CSMD1: variants seen among roughly 807,000 people sequenced by gnomAD.
The protein encoded by CSMD1 is CUB and Sushi multiple domains 1, also known as CUB and sushi domain-containing protein 1.
A neutral mutation model predicts 417.5 loss-of-function variants in CSMD1; 213 were observed. That is an observed-to-expected ratio of 0.51 (90% CI 0.46 to 0.57). The LOEUF (loss-of-function observed/expected upper bound fraction) is 0.57. Ranked by LOEUF, CSMD1 falls within the 20% of genes least tolerant of loss-of-function variation. The pLI is 0.00. For synonymous variants in CSMD1, 2,862 were observed against 1,736.8 expected (o/e 1.65, Z -16.11); for missense variants, 6,923 against 4,529.7 (o/e 1.53, Z -15.17).
At chr8:4,665,335 T>G (rs533957586) in intron 1 of CSMD1, among the ~76,000 whole-genome samples, 1 of 152,290 alleles carries the variant, frequency 6.6e-6, no homozygotes, top group Admixed American at 6.5e-5. Flanking sequence ...TAAGGTAAAT[T>G]AACTGAAGAC....
chr8:4,390,241 T>G (rs1203737388), intron 3 of CSMD1, among the ~76,000 whole-genome samples: 3 of 152,132 alleles, frequency 2.0e-5, no homozygotes, highest in East Asian at 3.9e-4. Context: ...GCCTTCTTCT[T>G]GGGGAAAAAG....
At chr8:3,804,107 T>C (rs1307069673) in intron 5 of CSMD1, among the ~76,000 whole-genome samples, 1 of 151,758 alleles carries the variant, frequency 6.6e-6, no homozygotes, top group South Asian at 2.1e-4. Flanking sequence ...TTTTGTTATA[T>C]TTTTAGTAGA....
At chr8:3,250,943 A>T (rs1264768320) in intron 26 of CSMD1, among the ~76,000 whole-genome samples, 2 of 151,964 alleles carry the variant, frequency 1.3e-5, no homozygotes, top group African/African-American at 2.4e-5. Context: ...GTTTGAGTTC[A>T]TTGTAGATTC....
intron 12 of CSMD1, among the ~76,000 whole-genome samples, chr8:3,425,507 G>T (rs1158206261): frequency 6.8e-6 from 1 of 147,960 alleles, no homozygotes; most frequent in African/African-American, 2.5e-5. Flanking sequence ...AGAACCGCTT[G>T]AACCCAGGAG....
chr8:4,122,240 G>T (rs528743735), intron 3 of CSMD1, among the ~76,000 whole-genome samples: 5 of 152,124 alleles, frequency 3.3e-5, no homozygotes, highest in African/African-American at 1.2e-4. Context: ...GGGAAGTGCA[G>T]TTGGTTTGAC....
intron 7 of CSMD1, among the ~76,000 whole-genome samples, chr8:3,673,361 A>T (rs1799184133): frequency 1.3e-5 from 2 of 152,218 alleles, no homozygotes. Flanking sequence ...CAATTTCATG[A>T]TTCAGTATTG....
Position 3,018,510 on chromosome 8 carries a change from C to G in CSMD1, c.7996G>C (p.Gly2666Arg). ...GSHVRECLAN[G>R]LWSGSETRCL... ...CGAGTTTCGCTGCCGCTCCAGAGCC[C>G]ATTTGCCAAGCACTCTCTGACATGA... Residue 2666 changes from glycine to arginine, a missense_variant, in exon 52 of 70, where the codon GGG (glycine) becomes CGG (arginine). Coordinates refer to ENST00000635120, the MANE Select transcript of CSMD1 (RefSeq NM_033225.6). The G allele has an allele frequency of 6.2e-7, 1 of 1,613,618 alleles. No homozygotes were observed. Among genetic ancestry groups the G allele is most frequent in the Non-Finnish European group, 8.5e-7 (1 of 1,179,732 alleles).
chr8:4,371,391 C>T (rs567926329), intron 3 of CSMD1, among the ~76,000 whole-genome samples: 2 of 152,090 alleles, frequency 1.3e-5, no homozygotes, highest in South Asian at 2.1e-4. Context: ...TTGTATTAAA[C>T]ATATTTTTAT....
chr8:3,457,036 C>G (rs1368924292), intron 12 of CSMD1, among the ~76,000 whole-genome samples: 2 of 151,948 alleles, frequency 1.3e-5, no homozygotes, highest in African/African-American at 4.8e-5. Flanking sequence ...ACCCCTTCAC[C>G]TGTACCCCTC....
chr8:3,197,471 T>TC (rs1796762870), intron 33 of CSMD1, among the ~76,000 whole-genome samples: 1 of 149,918 alleles, frequency 6.7e-6, no homozygotes, highest in African/African-American at 2.5e-5. Context: ...AATTTTTTTT[T>TC]TTTTTTTTTT....
intron 5 of CSMD1, among the ~76,000 whole-genome samples, chr8:3,982,693 C>G (rs1383224149): frequency 1.3e-5 from 2 of 151,842 alleles, no homozygotes; most frequent in African/African-American, 4.8e-5. Context: ...CCGGAAGCCT[C>G]ATAAGATCAG....
intron 2 of CSMD1, among the ~76,000 whole-genome samples, chr8:4,423,441 A>C (rs531057835): frequency 3.9e-5 from 6 of 152,224 alleles, no homozygotes; most frequent in Admixed American, 3.9e-4. Flanking sequence ...TCAAAATCTG[A>C]AATACATCAA....
At chr8:4,876,746 T>C (rs1803065413) in intron 1 of CSMD1, among the ~76,000 whole-genome samples, 1 of 152,066 alleles carries the variant, frequency 6.6e-6, no homozygotes, top group Non-Finnish European at 1.5e-5. Context: ...GTGCTGAGTG[T>C]ACCAGTTTAC....
intron 3 of CSMD1, among the ~76,000 whole-genome samples, chr8:4,304,602 T>G (rs977365): frequency 2.0e-5 from 3 of 152,052 alleles, no homozygotes; most frequent in African/African-American, 7.2e-5. Flanking sequence ...TCCTCTTTAA[T>G]ATTTCCTCAT....
chr8:3,386,740 G>A (rs1421295275), intron 18 of CSMD1, among the ~76,000 whole-genome samples: 3 of 152,062 alleles, frequency 2.0e-5, no homozygotes, highest in African/African-American at 2.4e-5. Context: ...TTCCTGGAAC[G>A]TTTTTCTGCA....
intron 8 of CSMD1, among the ~76,000 whole-genome samples, chr8:3,587,538 G>T (rs1270975712): frequency 5.3e-5 from 8 of 152,040 alleles, no homozygotes. Context: ...TTCTTGCTTA[G>T]TGGAAAAAAA....
chr8:3,534,531 A>G (rs1053155595), intron 10 of CSMD1, among the ~76,000 whole-genome samples: 6 of 152,040 alleles, frequency 3.9e-5, no homozygotes, highest in Non-Finnish European at 8.8e-5. Context: ...AAAAAAAAAA[A>G]AAAAGAAAAA....
chr8:4,896,125 T>A (rs940082103), intron 1 of CSMD1, among the ~76,000 whole-genome samples: 7 of 152,116 alleles, frequency 4.6e-5, no homozygotes, highest in Admixed American at 2.6e-4. Flanking sequence ...CAATGCTACT[T>A]TTAGTAGCAT....
At chr8:4,614,088 C>A (rs941553790) in intron 2 of CSMD1, among the ~76,000 whole-genome samples, 1 of 151,966 alleles carries the variant, frequency 6.6e-6, no homozygotes, top group Non-Finnish European at 1.5e-5. Flanking sequence ...AGTTTACTGG[C>A]AAGCCAATGT....
Sources: gnomAD v4.1 joint callset for allele counts (sites outside exome capture counted in the v4.1 genomes callset) on GRCh38, gnomAD v4.1.1 for gene constraint, MANE v1.5 for transcripts, NCBI Gene and HGNC (gene_info 2026-07-23, HGNC 2026-07-21) for gene names.